PUDP: variants seen among roughly 807,000 people sequenced by gnomAD.
PUDP encodes the protein pseudouridine 5'-phosphatase.
PUDP carries 8 observed loss-of-function variants against 9.4 expected under a neutral mutation model. That is an observed-to-expected ratio of 0.85 (90% confidence interval 0.50 to 1.53). PUDP has a LOEUF of 1.53. PUDP is among the 40% of genes most tolerant of loss of function. The pLI, the probability that PUDP is intolerant of heterozygous loss-of-function variation, is 0.00. For missense variants in PUDP, 188 were observed against 189.7 expected (o/e 0.99, Z 0.05); for synonymous variants, 99 against 80.7 (o/e 1.23, Z -1.22).
chrX:6,801,506 G>A (rs5989575), intron 3 of PUDP, among the ~76,000 whole-genome samples: 52,589 of 111,082 alleles, frequency 0.47, 10,390 homozygotes, highest in Non-Finnish European at 0.62. Context: ...AGGGTAGAAC[G>A]TGTCATTGTT....
intron 3 of PUDP, chrX:7,057,954 C>T (rs1449192675): frequency 1.1e-5 from 5 of 461,595 alleles, no homozygotes; most frequent in Non-Finnish European, 1.5e-5. Context: ...TCTCACTTCC[C>T]GGTGATGCTT....
chrX:7,143,316 G>T (rs952452809), intron 1 of PUDP, among the ~76,000 whole-genome samples: 1 of 111,297 alleles, frequency 9.0e-6, no homozygotes, highest in Non-Finnish European at 1.9e-5. Context: ...TGATGGTCTG[G>T]AACTGAACCC....
At chrX:7,129,097 C>A (rs1602826187) in intron 1 of PUDP, among the ~76,000 whole-genome samples, 1 of 111,778 alleles carries the variant, frequency 8.9e-6, no homozygotes, top group Admixed American at 9.5e-5. Flanking sequence ...AGCCTTCGGG[C>A]AACCATTGCT....
chrX:6,910,634 T>C (rs914465839), intron 3 of PUDP, among the ~76,000 whole-genome samples: 13 of 111,840 alleles, frequency 1.2e-4, no homozygotes, highest in African/African-American at 4.2e-4. Context: ...GAAGGCTCCC[T>C]GGAGGAGGAA....
chrX:6,774,503 G>A (rs1925417803), intron 3 of PUDP, among the ~76,000 whole-genome samples: 2 of 111,930 alleles, frequency 1.8e-5, no homozygotes, highest in South Asian at 3.8e-4. Flanking sequence ...GCAACATAAC[G>A]TTTCCTAAAA....
intron 3 of PUDP, among the ~76,000 whole-genome samples, chrX:6,974,324 T>C (rs1928921455): frequency 8.9e-6 from 1 of 112,118 alleles, no homozygotes; most frequent in African/African-American, 3.2e-5. Flanking sequence ...TCTTTACAAT[T>C]TGCTGTTTTT....
At chrX:7,081,734 T>G (rs1278896767) in intron 2 of PUDP, among the ~76,000 whole-genome samples, 1 of 113,300 alleles carries the variant, frequency 8.8e-6, no homozygotes, top group African/African-American at 3.2e-5. Context: ...TACGCCCTCT[T>G]TGGGCCTCAA....
chrX:6,755,947 A>G (rs1467903142), intron 3 of PUDP, among the ~76,000 whole-genome samples: 2 of 111,472 alleles, frequency 1.8e-5, no homozygotes, highest in Non-Finnish European at 3.8e-5. Context: ...CTGAAAACCA[A>G]AGGGGAACAG....
chrX:6,950,260 C>A (rs1337055287), intron 3 of PUDP, among the ~76,000 whole-genome samples: 2 of 99,982 alleles, frequency 2.0e-5, no homozygotes, highest in Admixed American at 1.1e-4. Context: ...ACCACTTGAA[C>A]CAGGGAGGTG....
At chrX:7,135,459 C>A (rs976404057) in intron 1 of PUDP, among the ~76,000 whole-genome samples, 4 of 112,124 alleles carry the variant, frequency 3.6e-5, no homozygotes, top group Non-Finnish European at 7.5e-5. Context: ...AAATCTCCTG[C>A]ACTATGAGAG....
intron 3 of PUDP, among the ~76,000 whole-genome samples, chrX:6,755,440 AAC>A (rs1448422183): frequency 1.8e-5 from 2 of 112,085 alleles, no homozygotes; most frequent in Non-Finnish European, 3.8e-5. Context: ...GTACTAGGGA[AAC>A]AGAGATTTAA....
At chrX:6,933,232 C>A (rs893967448) in intron 3 of PUDP, among the ~76,000 whole-genome samples, 4 of 109,148 alleles carry the variant, frequency 3.7e-5, no homozygotes, top group South Asian at 4.1e-4. Context: ...TGGGAGGCAC[C>A]CCCCAGTAGG....
chrX:6,921,134 C>T (rs1223132071), intron 3 of PUDP, among the ~76,000 whole-genome samples: 3 of 111,110 alleles, frequency 2.7e-5, no homozygotes, highest in African/African-American at 9.8e-5. Flanking sequence ...CCTGTAATCT[C>T]AGCACTTTGG....
chrX:7,000,054 A>AG (rs999283757), intron 1 of PUDP, among the ~76,000 whole-genome samples: 1 of 109,579 alleles, frequency 9.1e-6, no homozygotes, highest in African/African-American at 3.3e-5. Context: ...TAAAGTAGAA[A>AG]GAACAAAGTA....
intron 1 of PUDP, among the ~76,000 whole-genome samples, chrX:7,009,195 G>T (rs1397006134): frequency 8.9e-6 from 1 of 112,220 alleles, no homozygotes; most frequent in Non-Finnish European, 1.9e-5. Flanking sequence ...GCATCAAATT[G>T]TCTCCGAAGT....
chrX:7,029,840 G>A (rs1929768922), intron 1 of PUDP, among the ~76,000 whole-genome samples: 1 of 111,735 alleles, frequency 8.9e-6, no homozygotes, highest in Non-Finnish European at 1.9e-5. Context: ...CTCCTAAAAA[G>A]GGTCTTGAAA....
intron 3 of PUDP, among the ~76,000 whole-genome samples, chrX:7,066,658 T>C (rs1025459085): frequency 1.8e-5 from 2 of 111,346 alleles, no homozygotes; most frequent in African/African-American, 6.5e-5. Flanking sequence ...TAACGGGCCA[T>C]GGAGTACTGG....
intron 3 of PUDP, among the ~76,000 whole-genome samples, chrX:6,955,476 A>G (rs1480828750): frequency 9.0e-6 from 1 of 110,940 alleles, no homozygotes; most frequent in Non-Finnish European, 1.9e-5. Context: ...ACATAACCAG[A>G]TTATGTTTGT....
chrX:6,807,658 G>A (rs940561561), intron 3 of PUDP, among the ~76,000 whole-genome samples: 3 of 112,053 alleles, frequency 2.7e-5, no homozygotes, highest in Non-Finnish European at 5.6e-5. Context: ...AGCACATGAT[G>A]TCTCTTTTCA....
Sources: gnomAD v4.1 joint callset for allele counts (sites outside exome capture counted in the v4.1 genomes callset) on GRCh38, gnomAD v4.1.1 for gene constraint, MANE v1.5 for transcripts, NCBI Gene and HGNC (gene_info 2026-07-23, HGNC 2026-07-21) for gene names.